CDH12: variants seen among roughly 807,000 people sequenced by gnomAD.
CDH12 encodes the protein cadherin-12.
CDH12 carries 41 observed loss-of-function variants against 74.1 expected under a neutral mutation model. That is an observed-to-expected ratio of 0.55 (90% CI 0.43 to 0.72). CDH12 has a LOEUF of 0.72. Among genes scored for constraint, CDH12 ranks in the 30% least tolerant of loss-of-function variants. The pLI is 0.00. For missense variants in CDH12, 945 were observed against 977.2 expected (o/e 0.97, Z 0.44); for synonymous variants, 399 against 355.0 (o/e 1.12, Z -1.39).
At chr5:22,066,308 C>A (rs1373248766) in intron 5 of CDH12, among the ~76,000 whole-genome samples, 6 of 152,094 alleles carry the variant, frequency 3.9e-5, no homozygotes, top group Non-Finnish European at 5.9e-5. Flanking sequence ...TTATTCCTTA[C>A]CCCCTTCCCA....
At chr5:22,478,290 C>T (rs1053715748) in intron 2 of CDH12, among the ~76,000 whole-genome samples, 5 of 151,338 alleles carry the variant, frequency 3.3e-5, no homozygotes, top group East Asian at 2.0e-4. Flanking sequence ...AGGTGGCGGG[C>T]GCCTGTAGTC....
chr5:22,215,278 G>A (rs1238200780), intron 3 of CDH12, among the ~76,000 whole-genome samples: 1 of 152,086 alleles, frequency 6.6e-6, no homozygotes, highest in Non-Finnish European at 1.5e-5. Flanking sequence ...ATTCCCAAAT[G>A]TTAAAACTGA....
At chr5:21,856,304 G>T (rs1247650111) in intron 6 of CDH12, among the ~76,000 whole-genome samples, 2 of 151,584 alleles carry the variant, frequency 1.3e-5, no homozygotes, top group South Asian at 2.1e-4. Context: ...TTTTCCCCCA[G>T]AATATTCATC....
At chr5:22,256,602 A>T (rs1753326570) in intron 3 of CDH12, among the ~76,000 whole-genome samples, 1 of 152,156 alleles carries the variant, frequency 6.6e-6, no homozygotes, top group Admixed American at 6.6e-5. Flanking sequence ...ACATTCAGAA[A>T]GTATTACAGA....
chr5:22,810,761 C>A (rs1749095893), intron 1 of CDH12, among the ~76,000 whole-genome samples: 1 of 151,962 alleles, frequency 6.6e-6, no homozygotes, highest in Admixed American at 6.6e-5. Flanking sequence ...CGCATGTAGG[C>A]ATGTACCAGC....
intron 4 of CDH12, among the ~76,000 whole-genome samples, chr5:22,162,209 C>A (rs1423967289): frequency 2.0e-5 from 3 of 151,902 alleles, no homozygotes; most frequent in African/African-American, 4.8e-5. Context: ...TTAAAGGGAC[C>A]ATTCAGTCAT....
chr5:21,865,945 C>T (rs1751303795), intron 6 of CDH12, among the ~76,000 whole-genome samples: 1 of 152,164 alleles, frequency 6.6e-6, no homozygotes, highest in Admixed American at 6.5e-5. Flanking sequence ...GGGAGGGACA[C>T]CATGTGAGAT....
chr5:22,718,311 TA>T (rs1325492173), intron 1 of CDH12, among the ~76,000 whole-genome samples: 1 of 152,172 alleles, frequency 6.6e-6, no homozygotes, highest in Non-Finnish European at 1.5e-5. Flanking sequence ...CCACACCTCT[TA>T]AAGTGGGAAC....
chr5:22,097,273 TCTGA>T (rs1184659646), intron 4 of CDH12, among the ~76,000 whole-genome samples: 3 of 152,178 alleles, frequency 2.0e-5, no homozygotes, highest in Admixed American at 1.3e-4. Flanking sequence ...CCCAAGGCTC[TCTGA>T]CTGACTCCTT....
intron 7 of CDH12, among the ~76,000 whole-genome samples, chr5:21,849,441 C>T (rs962664760): frequency 2.0e-5 from 3 of 151,722 alleles, no homozygotes; most frequent in African/African-American, 4.8e-5. Flanking sequence ...ATTTACTACA[C>T]GATCATAATA....
At chr5:22,296,127 A>G (rs1468548946) in intron 3 of CDH12, among the ~76,000 whole-genome samples, 2 of 152,008 alleles carry the variant, frequency 1.3e-5, no homozygotes, top group Non-Finnish European at 2.9e-5. Context: ...CAACACTGGT[A>G]TATCTTTATA....
chr5:22,057,608 G>T (rs758137712), intron 5 of CDH12, among the ~76,000 whole-genome samples: 1 of 152,124 alleles, frequency 6.6e-6, no homozygotes. Context: ...GGAAACTGGG[G>T]ACATAGATTT....
Position 22,325,179 on chromosome 5 carries a change from C to A in CDH12, c.-333+80078G>T, listed in dbSNP as rs115451845. 4.3e-3 allele frequency among the ~76,000 whole-genome samples: 652 copies of A among 152,248 alleles called. 7 individuals are homozygous for A. Among genetic ancestry groups the A allele is most frequent in the African/African-American group, 0.015 (619 of 41,552 alleles). On this transcript the variant is annotated intron_variant, in intron 3 of 14. Transcript: ENST00000382254. Reference sequence around the variant, plus strand: ...CATTTGGTGAAATCCCCAAATTGTTCTTTTACTTATATACAAATGATGTTA... The same window carrying A: ...CATTTGGTGAAATCCCCAAATTGTTATTTTACTTATATACAAATGATGTTA...
At chr5:22,714,326 T>A (rs1002366907) in intron 1 of CDH12, among the ~76,000 whole-genome samples, 3 of 152,192 alleles carry the variant, frequency 2.0e-5, no homozygotes, top group Non-Finnish European at 4.4e-5. Context: ...TCATGTATGA[T>A]GGGAGAGTTT....
chr5:22,164,452 T>G (rs1748559626), intron 4 of CDH12, among the ~76,000 whole-genome samples: 1 of 152,170 alleles, frequency 6.6e-6, no homozygotes, highest in South Asian at 2.1e-4. Context: ...TGCTGGATCC[T>G]GAGGGATGGA....
intron 11 of CDH12, among the ~76,000 whole-genome samples, chr5:21,767,432 T>G (rs1033504446): frequency 1.3e-5 from 2 of 151,740 alleles, no homozygotes; most frequent in Non-Finnish European, 3.0e-5. Flanking sequence ...ATATCTGTTA[T>G]GAGTAAATTG....
intron 1 of CDH12, among the ~76,000 whole-genome samples, chr5:22,611,593 T>C (rs1737403208): frequency 6.6e-6 from 1 of 152,090 alleles, no homozygotes; most frequent in Non-Finnish European, 1.5e-5. Flanking sequence ...GCTTGAAAGA[T>C]AGAGAGCAGT....
In CDH12 at chr5:21,760,736, C is replaced by A. The variant is rs558108048; in HGVS notation, c.1516-61G>T. The stretch of plus-strand genomic sequence containing the variant: ...TTCAAAGAGGACTTTACACAGCAGG[C>A]TACTAAATGTATTTAATGAAGCATG... On this transcript the variant is annotated intron_variant, in intron 12 of 14. Transcript: ENST00000382254. The A allele has an allele frequency of 6.9e-5, 66 of 950,070 alleles. No homozygotes were observed. The Admixed American group carries it at 1.2e-3, about 17-fold the overall frequency. The allele number at this position is 950,070 out of a possible 1,614,324, so 58.9% of individuals were successfully genotyped here.
At chr5:22,562,303 C>T (rs1376183738) in intron 1 of CDH12, among the ~76,000 whole-genome samples, 1 of 151,380 alleles carries the variant, frequency 6.6e-6, no homozygotes, top group African/African-American at 2.4e-5. Context: ...GGCGACAGAG[C>T]GAGACTCCGT....
Sources: gnomAD v4.1 joint callset for allele counts (sites outside exome capture counted in the v4.1 genomes callset) on GRCh38, gnomAD v4.1.1 for gene constraint, MANE v1.5 for transcripts, NCBI Gene and HGNC (gene_info 2026-07-23, HGNC 2026-07-21) for gene names.